The following SAV1 variants were observed in gnomAD, a reference collection of about 807,000 sequenced individuals.
SAV1 encodes the protein salvador family WW domain containing protein 1.
A neutral mutation model predicts 47.3 loss-of-function variants in SAV1; 23 were observed. The ratio of observed to expected loss-of-function variants is 0.49; its 90% CI spans 0.35 to 0.69. The LOEUF (loss-of-function observed/expected upper bound fraction) is 0.69. Ranked by LOEUF, SAV1 falls within the 30% of genes least tolerant of loss-of-function variation. The pLI is 0.01. For synonymous variants in SAV1, 155 were observed against 159.2 expected (o/e 0.97, Z 0.20); for missense variants, 448 against 457.4 (o/e 0.98, Z 0.19).
chr14:50,650,004 C>T (rs902030073), intron 2 of SAV1, among the ~76,000 whole-genome samples: 3 of 152,106 alleles, frequency 2.0e-5, no homozygotes, highest in African/African-American at 7.2e-5. Flanking sequence ...AAAATGAAAA[C>T]ATCAAGTTTA....
intron 2 of SAV1, among the ~76,000 whole-genome samples, chr14:50,649,857 G>C (rs560303881): frequency 1.3e-5 from 2 of 152,306 alleles, no homozygotes; most frequent in East Asian, 3.9e-4. Context: ...GAATATCTCA[G>C]AATGGTCAAA....
intron 2 of SAV1, among the ~76,000 whole-genome samples, chr14:50,661,589 A>G (rs1200718071): frequency 1.2e-4 from 18 of 152,100 alleles, no homozygotes; most frequent in Admixed American, 1.2e-3. Flanking sequence ...TAAGTCTTTA[A>G]TCCATCTCAA....
In SAV1 at chr14:50,633,613, C is replaced by G. The variant is rs1013627010; in HGVS notation, c.*1570G>C. The G allele has an allele frequency of 2.0e-5, 3 of 152,628 alleles. No homozygotes were observed. In the South Asian group the frequency reaches 6.2e-4, roughly 32 times the overall value. 9.5% of individuals were successfully genotyped at this position (152,628 alleles called of 1,614,324 possible). On this transcript the variant is annotated 3_prime_UTR_variant, in exon 5 of 5. Transcript: ENST00000324679. ...ATGAAATACAGCACTATGTCTAAAA[C>G]ATGGACTCAAAAACCACGCGCTTAG...
chr14:50,655,324 G>A lies in SAV1; in HGVS notation c.535+9855C>T, dbSNP rs185236765. ...TATAGTCAATTCAGTGTATTTATAT[G>A]AGTTACTTATAAAAGCCATAATATT... On this transcript the variant is annotated intron_variant, in intron 2 of 4. Transcript: ENST00000324679. Among the ~76,000 whole-genome samples, 11 of 152,088 alleles carry A rather than the reference G, an allele frequency of 7.2e-5. No homozygotes were observed. In the East Asian group the frequency reaches 7.7e-4, roughly 11 times the overall value.
intron 4 of SAV1, among the ~76,000 whole-genome samples, chr14:50,639,584 T>C (rs763753342): frequency 1.4e-4 from 22 of 152,222 alleles, no homozygotes; most frequent in Non-Finnish European, 2.9e-5. Flanking sequence ...GCTAGTTTCC[T>C]TGAGTTTTAT....
intron 2 of SAV1, among the ~76,000 whole-genome samples, chr14:50,651,926 C>A (rs898769441): frequency 6.6e-6 from 1 of 152,176 alleles, no homozygotes; most frequent in Non-Finnish European, 1.5e-5. Flanking sequence ...GCCCCTGTGC[C>A]CGGCCCAAAG....
rs767579163 is a variant in SAV1, at chr14:50,644,811, C to T, written c.739G>A (p.Glu247Lys). 22 of 1,614,008 alleles carry T rather than the reference C, an allele frequency of 1.4e-5. No homozygotes were observed. The highest frequency in any genetic ancestry group is 6.6e-5 in the South Asian group (6 of 91,088). Reference protein sequence around the residue: ...PPGWERVESSEFGTYYVDHTN... With the variant: ...PPGWERVESSKFGTYYVDHTN... ...TGATCTACATAATAGGTTCCAAATT[C>T]GGATGACTCAACTCGTTCCCATCCA... Residue 247 changes from glutamate (E) to lysine (K), a missense_variant, in exon 3 of 5, where the codon GAA becomes AAA. Physicochemically the swap from Glu to Lys is moderately conservative, Grantham distance 56 (BLOSUM62 1). Transcript: ENST00000324679.
At chr14:50,656,073 T>C (rs976312447) in intron 2 of SAV1, among the ~76,000 whole-genome samples, 9 of 152,278 alleles carry the variant, frequency 5.9e-5, no homozygotes, top group African/African-American at 2.2e-4. Flanking sequence ...CTATACAGGT[T>C]TAGAGCGTAT....
At chr14:50,662,159 G>T (rs1346905621) in intron 2 of SAV1, among the ~76,000 whole-genome samples, 1 of 150,472 alleles carries the variant, frequency 6.6e-6, no homozygotes, top group Non-Finnish European at 1.5e-5. Flanking sequence ...TTGAAATCTT[G>T]TTATTTATTT....
chr14:50,666,661 T>C (rs1228778152), intron 1 of SAV1, among the ~76,000 whole-genome samples: 2 of 152,088 alleles, frequency 1.3e-5, no homozygotes, highest in Non-Finnish European at 2.9e-5. Context: ...ATAAAAAGTG[T>C]GACAAACATA....
chr14:50,651,118 TGA>T (rs534371328), intron 2 of SAV1, among the ~76,000 whole-genome samples: 46 of 151,880 alleles, frequency 3.0e-4, no homozygotes, highest in Admixed American at 1.4e-3. Context: ...TCCAACTTCA[TGA>T]GAGATCCTGA....
In SAV1 at chr14:50,635,064, A is replaced by T; in HGVS notation, c.*119T>A. ...CTAATAACAAAATACATGTAAAGTT[A>T]GAATTTTATAATTTCCACAAAGGAA... On this transcript the variant is annotated 3_prime_UTR_variant, in exon 5 of 5. Coordinates refer to ENST00000324679, the MANE Select transcript of SAV1 (RefSeq NM_021818.4). 1.4e-6 allele frequency: 1 copy of T among 714,088 alleles called. No homozygotes were observed. The highest frequency in any genetic ancestry group is 2.3e-6 in the Non-Finnish European group (1 of 438,208). 44.2% of individuals were successfully genotyped at this position (714,088 alleles called of 1,614,324 possible).
chr14:50,666,207 T>C (rs748309623), intron 1 of SAV1, among the ~76,000 whole-genome samples: 9 of 152,194 alleles, frequency 5.9e-5, no homozygotes, highest in Non-Finnish European at 1.3e-4. Flanking sequence ...CAAAAATTTA[T>C]GTATGAAAAT....
At chr14:50,645,169 T>C (rs2039711732) in intron 2 of SAV1, among the ~76,000 whole-genome samples, 155 bp from the exon 3 acceptor site, 1 of 152,248 alleles carries the variant, frequency 6.6e-6, no homozygotes, top group East Asian at 1.9e-4. Context: ...ATAAAACTAG[T>C]CGGTATTACT....
chr14:50,667,766 G>T, intron 1 of SAV1, 108 bp downstream of exon 1: 1 of 770,870 alleles, frequency 1.3e-6, no homozygotes, highest in South Asian at 1.6e-5. Flanking sequence ...TATTTCACGC[G>T]ACCAAGGACG....
At chr14:50,665,862 A>G (rs1441019168) in intron 1 of SAV1, among the ~76,000 whole-genome samples, 12 of 152,240 alleles carry the variant, frequency 7.9e-5, no homozygotes, top group Admixed American at 7.8e-4. Flanking sequence ...CAGCTAGAAT[A>G]AAATGTATTC....
intron 2 of SAV1, among the ~76,000 whole-genome samples, chr14:50,660,569 A>G (rs2039850384): frequency 6.6e-6 from 1 of 152,212 alleles, no homozygotes; most frequent in African/African-American, 2.4e-5. Context: ...TAATCAAGTC[A>G]GGGTATTTAG....
In SAV1 at chr14:50,635,538, C is replaced by A. The variant is rs2039626781; in HGVS notation, c.951-154G>T. ...AAATAACTGGGCACAGTGGTGGCGC[C>A]TATTATAGTCCCAGCTACTTGGGAG... On this transcript the variant is annotated intron_variant, in intron 4 of 4. Coordinates refer to ENST00000324679, the MANE Select transcript of SAV1 (RefSeq NM_021818.4). 7.9e-5 allele frequency among the ~76,000 whole-genome samples: 12 copies of A among 152,180 alleles called. No homozygotes were observed. In the South Asian group the frequency reaches 2.1e-3, roughly 26 times the overall value.
At position 50,668,014 on chromosome 14, in the gene SAV1, T is replaced by G; in HGVS notation, c.-47A>C. On this transcript the variant is annotated 5_prime_UTR_variant, in exon 1 of 5. Transcript: ENST00000324679. ...CCGCGCTGAACTGCCTCCCTAGGGC[T>G]CCGCGCCGGGCGCCGGCCGTCTCCG... 1 of 1,408,592 alleles carries G rather than the reference T, an allele frequency of 7.1e-7. No individual in the cohort carries two copies. 87.3% of individuals were successfully genotyped at this position (1,408,592 alleles called of 1,614,324 possible).
Sources: gnomAD v4.1 joint callset for allele counts (sites outside exome capture counted in the v4.1 genomes callset) on GRCh38, gnomAD v4.1.1 for gene constraint, MANE v1.5 for transcripts, NCBI Gene and HGNC (gene_info 2026-07-23, HGNC 2026-07-21) for gene names.